Variants in HTRA4 observed in about 807,000 individuals in gnomAD.
HTRA4 encodes the protein HtrA serine peptidase 4.
Under a neutral mutation model 49.1 loss-of-function variants are expected in HTRA4, and 46 were observed. That is an observed-to-expected ratio of 0.94 (90% CI 0.74 to 1.20). HTRA4 has a LOEUF of 1.20. Among genes scored for constraint, HTRA4 ranks in the 50% most tolerant of loss-of-function variants. The pLI, the probability that HTRA4 is intolerant of heterozygous loss-of-function variation, is 0.00. For synonymous variants in HTRA4, 261 were observed against 264.0 expected, an observed-to-expected ratio of 0.99 and a Z score of 0.11; for missense variants, 602 against 636.9, an observed-to-expected ratio of 0.95 and a Z score of 0.59.
chr8:38,981,446 T>G (rs1284537990), intron 5 of HTRA4, among the ~76,000 whole-genome samples: 1 of 152,120 alleles, frequency 6.6e-6, no homozygotes, highest in Non-Finnish European at 1.5e-5. Context: ...AGGTAACTTC[T>G]GCGCATGTGC....
rs540508884 is a variant in HTRA4 at position 38,987,510 on chromosome 8, G to A, written c.1269-426G>A. 1.8e-3 allele frequency among the ~76,000 whole-genome samples: 274 copies of A among 152,180 alleles called. 1 individual carries two copies. The highest frequency in any genetic ancestry group is 3.1e-3 in the Non-Finnish European group (211 of 68,008). Reference sequence around the variant, plus strand: ...GGTGGGAAAGACAGGCAAGTGAGTGGGCTGCCAGAATCAAACTGAGCCGAG... The same window carrying A: ...GGTGGGAAAGACAGGCAAGTGAGTGAGCTGCCAGAATCAAACTGAGCCGAG... On this transcript the variant is annotated intron_variant, in intron 8 of 8. Coordinates refer to ENST00000302495, the MANE Select transcript of HTRA4 (RefSeq NM_153692.4).
In HTRA4 at chr8:38,974,691, C is replaced by T. The variant is rs148320690; in HGVS notation, c.428C>T (p.Pro143Leu). The T allele has an allele frequency of 2.1e-6, 3 of 1,411,156 alleles. No homozygotes were observed. The highest frequency in any genetic ancestry group is 1.5e-5 in the African/African-American group (1 of 66,830). 87.4% of individuals were successfully genotyped at this position (1,411,156 alleles called of 1,614,324 possible). Reference protein sequence around the residue: ...NRAARRLGKVPAVPVQWGNCG... With the variant: ...NRAARRLGKVLAVPVQWGNCG... ...GCCGCGCGCCGCCTGGGCAAGGTCC[C>T]GGCCGTGCCTGTGCAGTGGGGGAAC... is the stretch of plus-strand genomic sequence containing the variant. Residue 143 changes from proline (P) to leucine (L), a missense_variant, in exon 1 of 9, where the codon CCG (proline) becomes CTG (leucine). Transcript: ENST00000302495.
Position 38,974,317 on chromosome 8 carries a change from G to T in HTRA4, c.54G>T (p.Gly18=). 1 of 1,612,892 alleles carries T rather than the reference G, an allele frequency of 6.2e-7. No individual in the cohort carries two copies. The highest frequency in any genetic ancestry group is 1.7e-4 in the Middle Eastern group (1 of 6,028). ...TAGLGRCLLP[G]LLLLLVPVLW... ...GGCTGGGACGATGCCTCCTGCCGGG[G>T]CTGCTGCTGCTCCTGGTGCCCGTCC... The change falls in exon 1 of 9, where the codon GGG becomes GGT. Residue 18 remains glycine (G), a synonymous_variant. Coordinates refer to ENST00000302495, the MANE Select transcript of HTRA4 (RefSeq NM_153692.4).
intron 8 of HTRA4, among the ~76,000 whole-genome samples, chr8:38,983,306 G>A (rs1391113186): frequency 6.6e-6 from 1 of 152,242 alleles, no homozygotes; most frequent in Non-Finnish European, 1.5e-5. Flanking sequence ...GAAGGCCAGG[G>A]TGGGTGGATC....
In HTRA4 at chr8:38,979,164, G is replaced by A. The variant is rs373283582; in HGVS notation, c.967-51G>A. On this transcript the variant is annotated intron_variant, in intron 4 of 8. Coordinates refer to ENST00000302495, the MANE Select transcript of HTRA4 (RefSeq NM_153692.4). ...TGGGAGCTATGTGTAAAGGACAAGG[G>A]GGAATGTATTCATTAGCTTCACTGA... is the stretch of plus-strand genomic sequence containing the variant. 51 of 1,494,716 alleles carry A rather than the reference G, an allele frequency of 3.4e-5. No individual in the cohort carries two copies. In the Middle Eastern group the frequency reaches 1.2e-3, roughly 35 times the overall value. 92.6% of individuals were successfully genotyped at this position (1,494,716 alleles called of 1,614,324 possible).
intron 3 of HTRA4, among the ~76,000 whole-genome samples, chr8:38,977,707 T>C (rs1195260699): frequency 6.6e-6 from 1 of 152,168 alleles, no homozygotes; most frequent in Non-Finnish European, 1.5e-5. Flanking sequence ...TTCTACAAAG[T>C]AATTGTTTTA....
chr8:38,979,772 C>T (rs1317720470), intron 5 of HTRA4, among the ~76,000 whole-genome samples: 1 of 152,210 alleles, frequency 6.6e-6, no homozygotes, highest in East Asian at 1.9e-4. Context: ...CTGCCTTGGC[C>T]TCCCAAAGTG....
At chr8:38,977,034 C>T (rs1835360312) in intron 3 of HTRA4, among the ~76,000 whole-genome samples, 2 of 152,104 alleles carry the variant, frequency 1.3e-5, no homozygotes, top group Admixed American at 1.3e-4. Context: ...CTCCTGGGTT[C>T]AAGTGATTCT....
chr8:38,980,274 G>GC (rs1835401997), intron 5 of HTRA4, among the ~76,000 whole-genome samples: 2 of 140,110 alleles, frequency 1.4e-5, no homozygotes, highest in African/African-American at 5.2e-5. Flanking sequence ...CAAAATGATT[G>GC]TTTTTTTTTT....
At chr8:38,981,077 T>TTTTTTTTG (rs1835415259) in intron 5 of HTRA4, among the ~76,000 whole-genome samples, 1 of 105,166 alleles carries the variant, frequency 9.5e-6, no homozygotes, top group African/African-American at 4.5e-5. Flanking sequence ...TTTTTTTTTT[T>TTTTTTTTG]TTTTTTTTTT....
Position 38,974,449 on chromosome 8 carries a change from G to C in HTRA4, c.186G>C (p.Val62=). Residue 62 remains valine (V), a synonymous_variant, in exon 1 of 9, where the codon GTG becomes GTC. Coordinates refer to ENST00000302495, the MANE Select transcript of HTRA4 (RefSeq NM_153692.4). ...CCTGCGCGCTGGGGACCACGCCGGTGTTCGACCTGTGCCGCTGTTGCCGCG... is the reference window on the plus strand; with the variant it reads ...CCTGCGCGCTGGGGACCACGCCGGTCTTCGACCTGTGCCGCTGTTGCCGCG... ...LPTCALGTTP[V]FDLCRCCRVC... 3 of 1,541,538 alleles carry C rather than the reference G, an allele frequency of 1.9e-6. No individual in the cohort carries two copies. The highest frequency in any genetic ancestry group is 2.6e-6 in the Non-Finnish European group (3 of 1,148,012).
At position 38,976,679 on chromosome 8, in the gene HTRA4, A is replaced by G; in HGVS notation, c.711A>G (p.Glu237=). Residue 237 remains glutamate (E), a synonymous_variant, in exon 3 of 9, where the codon GAA becomes GAG. Transcript: ENST00000302495. ...EVVLQNGARY[E]AVVKDIDLKL... ...TGCTCCAGAATGGGGCCCGTTATGA[A>G]GCTGTTGTCAAGGATATTGACCTTA... 6.2e-7 allele frequency: 1 copy of G among 1,614,180 alleles called. No individual in the cohort carries two copies. Among genetic ancestry groups the G allele is most frequent in the Non-Finnish European group, 8.5e-7 (1 of 1,180,048 alleles).
intron 8 of HTRA4, among the ~76,000 whole-genome samples, chr8:38,984,531 G>A (rs1221520514): frequency 6.6e-6 from 1 of 151,914 alleles, no homozygotes; most frequent in Non-Finnish European, 1.5e-5. Context: ...CAGATCACTT[G>A]AGGTCAGGAT....
Position 38,981,694 on chromosome 8 carries a change from T to A in HTRA4, c.1041T>A (p.Asp347Glu). 1 of 1,613,810 alleles carries A rather than the reference T, an allele frequency of 6.2e-7. No homozygotes were observed. The highest frequency in any genetic ancestry group is 8.5e-7 in the Non-Finnish European group (1 of 1,179,956). The change falls in exon 6 of 9, where the codon GAT (aspartate) becomes GAA (glutamate). Residue 347 changes from aspartate (D) to glutamate (E), a missense_variant. By Grantham distance (45) the Asp-to-Glu change is conservative (BLOSUM62 2). Transcript: ENST00000302495. ...VIGVNSLRVT[D>E]GISFAIPSDR... is the part of the protein sequence containing the mutation. ...GCGTCAATTCATTGAGGGTGACTGATGGAATCTCCTTTGCAATTCCTTCAG... is the reference window on the plus strand; with the variant it reads ...GCGTCAATTCATTGAGGGTGACTGAAGGAATCTCCTTTGCAATTCCTTCAG...
rs759297829 is a variant in HTRA4 at position 38,977,987 on chromosome 8, C to T, written c.806C>T (p.Ser269Phe). ...ELPVLMLGRSSDLRAGEFVVA... is the reference protein window; with the variant it reads ...ELPVLMLGRSFDLRAGEFVVA... ...CCTGTACTGATGCTGGGAAGATCAT[C>T]TGACCTTCGGGCTGGAGAGTTTGTG... Residue 269 changes from serine (S) to phenylalanine (F), a missense_variant, in exon 4 of 9, where the codon TCT (serine) becomes TTT (phenylalanine). Ser to Phe is a radical substitution (Grantham distance 155). Coordinates refer to ENST00000302495, the MANE Select transcript of HTRA4 (RefSeq NM_153692.4). 4.4e-5 allele frequency: 71 copies of T among 1,614,028 alleles called. No homozygotes were observed. The Admixed American group carries it at 7.3e-4, about 17-fold the overall frequency.
At chr8:38,977,920 C>T (rs767113945) in intron 3 of HTRA4, 33 bp from the exon 4 acceptor site, 16 of 1,601,056 alleles carry the variant, frequency 1.0e-5, no homozygotes, top group Non-Finnish European at 1.4e-5. Flanking sequence ...TTTACCCTTT[C>T]TGTCCTCCCC....
At position 38,975,050 on chromosome 8, in the gene HTRA4, G is replaced by T. The variant is rs1474841941; in HGVS notation, c.486G>T (p.Pro162=). 1 of 1,614,080 alleles carries T rather than the reference G, an allele frequency of 6.2e-7. No homozygotes were observed. The highest frequency in any genetic ancestry group is 8.5e-7 in the Non-Finnish European group (1 of 1,180,012). Residue 162 remains proline (P), a synonymous_variant, in exon 2 of 9, where the codon CCG becomes CCT. Transcript: ENST00000302495. ...TCATAGGGACCAGAAGCGCAGGCCC[G>T]CTCAGGAGGAATTACAACTTCATCG... ...CGDTGTRSAG[P]LRRNYNFIAA... is the part of the protein sequence containing the mutation.
rs1443027342 is a variant in HTRA4 at position 38,982,866 on chromosome 8, A to G, written c.1173-87A>G. On this transcript the variant is annotated intron_variant, in intron 7 of 8. Transcript: ENST00000302495. ...TCCTCGGCCCTTGTGAACCTTGAGC[A>G]GAACAGAGTACCTACTAAGAATTTC... 4.8e-6 allele frequency: 4 copies of G among 839,150 alleles called. No individual in the cohort carries two copies. The African/African-American group carries it at 6.8e-5, about 14-fold the overall frequency. 52.0% of individuals were successfully genotyped at this position (839,150 alleles called of 1,614,324 possible).
At chr8:38,976,281 G>A (rs1187570042) in intron 2 of HTRA4, among the ~76,000 whole-genome samples, 1 of 152,016 alleles carries the variant, frequency 6.6e-6, no homozygotes, top group Non-Finnish European at 1.5e-5. Context: ...GCGTGGTGGT[G>A]CATGCCTGTT....
Sources: gnomAD v4.1 joint callset for allele counts (sites outside exome capture counted in the v4.1 genomes callset) on GRCh38, gnomAD v4.1.1 for gene constraint, MANE v1.5 for transcripts, NCBI Gene and HGNC (gene_info 2026-07-23, HGNC 2026-07-21) for gene names.